The following CNTN6 variants were observed in gnomAD, a reference collection of about 807,000 sequenced individuals.
CNTN6 encodes the protein contactin-6.
CNTN6 carries 137 observed loss-of-function variants against 122.8 expected under a neutral mutation model. The observed-to-expected ratio is 1.12, with a 90% CI of 0.97 to 1.29. The LOEUF is 1.29. Among genes scored for constraint, CNTN6 ranks in the 50% most tolerant of loss-of-function variants. The pLI is 0.00. For synonymous variants in CNTN6, 570 were observed against 426.0 expected (o/e 1.34, Z -4.16); for missense variants, 1,634 against 1,223.4 (o/e 1.34, Z -5.01).
chr3:1,237,636 A>C (rs893185464), intron 4 of CNTN6, among the ~76,000 whole-genome samples: 1 of 152,236 alleles, frequency 6.6e-6, no homozygotes, highest in Admixed American at 6.5e-5. Flanking sequence ...AAGACTCTTA[A>C]TAGCTATGAG....
chr3:1,233,059 G>C (rs990737332), intron 4 of CNTN6, among the ~76,000 whole-genome samples: 1 of 152,166 alleles, frequency 6.6e-6, no homozygotes, highest in African/African-American at 2.4e-5. Flanking sequence ...AACTAATTTG[G>C]AGCCACTTAT....
intron 4 of CNTN6, among the ~76,000 whole-genome samples, chr3:1,277,431 C>A (rs1692609143): frequency 7.7e-6 from 1 of 130,640 alleles, no homozygotes; most frequent in Non-Finnish European, 1.6e-5. Context: ...GCAATCTCGG[C>A]TCATTGCAAC....
chr3:1,224,780 C>G (rs2125539460), intron 3 of CNTN6, among the ~76,000 whole-genome samples: 1 of 152,288 alleles, frequency 6.6e-6, no homozygotes, highest in East Asian at 1.9e-4. Flanking sequence ...CAGTCTTGCT[C>G]TGTCAGCCAG....
intron 4 of CNTN6, among the ~76,000 whole-genome samples, chr3:1,230,651 C>T (rs1211534504): frequency 6.6e-6 from 1 of 152,088 alleles, no homozygotes; most frequent in Admixed American, 6.6e-5. Context: ...TATCATTGCC[C>T]CCATTTTACA....
chr3:1,098,789 C>CACACACATATATATATATATATATAT (rs1211008614), intron 1 of CNTN6, among the ~76,000 whole-genome samples: 1 of 63,250 alleles, frequency 1.6e-5, no homozygotes, highest in Non-Finnish European at 2.7e-5. Flanking sequence ...CACACACACA[C>CACACACATATATATATATATATATAT]ATATATATAT....
At chr3:1,293,041 G>A (rs181907896) in intron 5 of CNTN6, among the ~76,000 whole-genome samples, 2 of 152,136 alleles carry the variant, frequency 1.3e-5, no homozygotes, top group Non-Finnish European at 2.9e-5. Flanking sequence ...TGCGCAAGTA[G>A]CATTTACTGT....
chr3:1,294,338 C>G (rs938610581), intron 5 of CNTN6, among the ~76,000 whole-genome samples: 1 of 152,026 alleles, frequency 6.6e-6, no homozygotes, highest in Non-Finnish European at 1.5e-5. Context: ...TGAAAGAATT[C>G]AGACATAAAA....
chr3:1,360,958 C>G (rs190858205), intron 12 of CNTN6, among the ~76,000 whole-genome samples: 170 of 151,976 alleles, frequency 1.1e-3, no homozygotes, highest in Non-Finnish European at 1.9e-3. Context: ...ATTCAATTGC[C>G]CCAAAATGGT....
intron 7 of CNTN6, among the ~76,000 whole-genome samples, chr3:1,298,879 G>A (rs1294127837): frequency 6.6e-6 from 1 of 151,948 alleles, no homozygotes; most frequent in African/African-American, 2.4e-5. Flanking sequence ...AAGCTCGGAG[G>A]GCTTACCTCT....
chr3:1,382,102 T>TA (rs1310744206), intron 17 of CNTN6, among the ~76,000 whole-genome samples: 3 of 141,250 alleles, frequency 2.1e-5, no homozygotes, highest in Non-Finnish European at 4.8e-5. Context: ...TCAGAATATT[T>TA]ATTAAAAAAA....
chr3:1,325,070 G>T (rs1701345819), intron 8 of CNTN6, among the ~76,000 whole-genome samples: 1 of 151,818 alleles, frequency 6.6e-6, no homozygotes. Flanking sequence ...AGATATTCAT[G>T]TGAAAACATT....
chr3:1,234,718 A>G (rs2094399861), intron 4 of CNTN6, among the ~76,000 whole-genome samples: 1 of 152,206 alleles, frequency 6.6e-6, no homozygotes, highest in Non-Finnish European at 1.5e-5. Context: ...ACTGAACAAA[A>G]GCCATGAAGA....
chr3:1,200,724 C>G (rs1054365839), intron 2 of CNTN6, among the ~76,000 whole-genome samples: 1 of 152,118 alleles, frequency 6.6e-6, no homozygotes, highest in Non-Finnish European at 1.5e-5. Flanking sequence ...TCCCAAAGCC[C>G]TCAGGATTAG....
intron 2 of CNTN6, among the ~76,000 whole-genome samples, chr3:1,195,295 C>T (rs1474616066): frequency 6.6e-6 from 1 of 152,138 alleles, no homozygotes; most frequent in Non-Finnish European, 1.5e-5. Context: ...CATGGTGGGT[C>T]CTGCCCCCTC....
chr3:1,352,735 A>T (rs377009885), intron 12 of CNTN6, among the ~76,000 whole-genome samples: 8 of 151,824 alleles, frequency 5.3e-5, no homozygotes, highest in African/African-American at 1.4e-4. Flanking sequence ...CCTTAATGTT[A>T]GGGGCCATGG....
rs1173610538 is a variant in CNTN6, at chr3:1,392,741, G to GT, written c.2704+6945dup. ...AACAAACAACCCCATCAACAAGTGG[G>GT]TGAAGGACATGAACAGACACTTCTC... On this transcript the variant is annotated intron_variant, in intron 20 of 22. Transcript: ENST00000446702. 2.0e-3 allele frequency among the ~76,000 whole-genome samples: 289 copies of GT among 144,006 alleles called. 20 individuals are homozygous for GT. Among genetic ancestry groups the GT allele is most frequent in the Non-Finnish European group, 2.9e-3 (189 of 64,542 alleles). The allele number at this position is 144,006 out of a possible 152,430, so 94.5% of individuals were successfully genotyped here. A position where few individuals can be genotyped will look rare whatever the true frequency, so the allele number is the denominator to read the frequency against.
intron 5 of CNTN6, among the ~76,000 whole-genome samples, chr3:1,288,447 C>G (rs1369077974): frequency 6.6e-6 from 1 of 152,160 alleles, no homozygotes; most frequent in African/African-American, 2.4e-5. Flanking sequence ...ACTGAGCTAG[C>G]ATAACCATGA....
chr3:1,157,871 C>A (rs1381759600), intron 2 of CNTN6, among the ~76,000 whole-genome samples: 1 of 152,112 alleles, frequency 6.6e-6, no homozygotes, highest in African/African-American at 2.4e-5. Context: ...GCATACGCAC[C>A]ACATTTTCTT....
chr3:1,216,285 A>C (rs1050988014), intron 2 of CNTN6, among the ~76,000 whole-genome samples: 2 of 152,232 alleles, frequency 1.3e-5, no homozygotes, highest in African/African-American at 4.8e-5. Context: ...GAGAATTCTC[A>C]GAATGCTGTT....
Sources: allele counts gnomAD v4.1 joint callset (sites outside exome capture counted in the v4.1 genomes callset), GRCh38; gene constraint gnomAD v4.1.1; transcripts MANE v1.5; gene names NCBI Gene and HGNC (gene_info 2026-07-23, HGNC 2026-07-21).